Variants in RP1 observed in about 807,000 individuals in gnomAD.
RP1 encodes oxygen-regulated protein 1.
Under a neutral mutation model 14.8 loss-of-function variants are expected in RP1, and 16 were observed. The ratio of observed to expected loss-of-function variants is 1.08; its 90% CI spans 0.73 to 1.65. RP1 has a LOEUF of 1.65. RP1 is among the 40% of genes most tolerant of loss of function. The pLI is 0.00. For synonymous variants in RP1, 876 were observed against 883.6 expected (o/e 0.99, Z 0.15); for missense variants, 2,631 against 2,535.0 (o/e 1.04, Z -0.81).
chr8:54,830,273 A>G (rs947540877), intron 24 of RP1, among the ~76,000 whole-genome samples: 2 of 148,922 alleles, frequency 1.3e-5, no homozygotes, highest in African/African-American at 2.5e-5. Flanking sequence ...TCATAAAATG[A>G]CCTTCTGTAT....
intron 19 of RP1, among the ~76,000 whole-genome samples, chr8:54,739,833 T>C (rs1383720600): frequency 6.6e-6 from 1 of 152,078 alleles, no homozygotes; most frequent in African/African-American, 2.4e-5. Context: ...TCCCATAAGA[T>C]TATAATGGAG....
intron 12 of RP1, among the ~76,000 whole-genome samples, chr8:54,685,952 C>G (rs1344033490): frequency 6.6e-6 from 1 of 152,178 alleles, no homozygotes; most frequent in African/African-American, 2.4e-5. Context: ...CCTGACAGCC[C>G]CAGCTGAATC....
intron 12 of RP1, among the ~76,000 whole-genome samples, chr8:54,685,549 TGAG>T (rs1254071218): frequency 6.6e-6 from 1 of 152,214 alleles, no homozygotes; most frequent in Non-Finnish European, 1.5e-5. Flanking sequence ...TTGCATTTAC[TGAG>T]GAGTGGAAAC....
Position 54,761,995 on chromosome 8 carries a change from G to T in RP1, c.3248+2919G>T, listed in dbSNP as rs116307462. On this transcript the variant is annotated intron_variant, in intron 22 of 22. Transcript: ENST00000636932. ...CCCAGAGCCTTTTCTGTGCATATGA[G>T]GTCAAGGTCAGTGTCCATGGAGCCT... Among the ~76,000 whole-genome samples the T allele has an allele frequency of 9.5e-3, 1,446 of 152,258 alleles. 16 individuals are homozygous for T. Among genetic ancestry groups the T allele is most frequent in the African/African-American group, 0.033 (1,359 of 41,544 alleles).
At chr8:54,570,069 T>A (rs991663357) in intron 1 of RP1, among the ~76,000 whole-genome samples, 8 of 152,122 alleles carry the variant, frequency 5.3e-5, no homozygotes, top group Non-Finnish European at 8.8e-5. Context: ...TCCCCTTGAA[T>A]CTGGACCTGT....
At chr8:54,760,956 G>A (rs1208305633) in intron 22 of RP1, among the ~76,000 whole-genome samples, 3 of 152,124 alleles carry the variant, frequency 2.0e-5, no homozygotes, top group East Asian at 1.9e-4. Flanking sequence ...GCACTGAAGA[G>A]GACTTGGGTG....
chr8:54,592,214 G>A (rs938314447), intron 1 of RP1, among the ~76,000 whole-genome samples: 3 of 152,166 alleles, frequency 2.0e-5, no homozygotes, highest in Non-Finnish European at 4.4e-5. Flanking sequence ...GTTTCCTCCT[G>A]TAGGAGCTGA....
At chr8:54,702,109 T>C (rs1336648713) in intron 14 of RP1, among the ~76,000 whole-genome samples, 1 of 152,174 alleles carries the variant, frequency 6.6e-6, no homozygotes, top group Non-Finnish European at 1.5e-5. Flanking sequence ...CAATTATTTA[T>C]GAGGTTTCCC....
At chr8:54,572,525 G>A (rs1804545433) in intron 1 of RP1, among the ~76,000 whole-genome samples, 1 of 152,198 alleles carries the variant, frequency 6.6e-6, no homozygotes, top group Admixed American at 6.5e-5. Flanking sequence ...AGACCCTTTC[G>A]ACTGGAACCT....
At position 54,690,680 on chromosome 8, in the gene RP1, T is replaced by A. The variant is rs1179388243; in HGVS notation, c.1718-8787T>A. On this transcript the variant is annotated intron_variant, in intron 12 of 22. Transcript: ENST00000636932. The stretch of plus-strand genomic sequence containing the variant: ...TTCTGGGATGTATACTGTAACTCTC[T>A]GACTTAAGTATATAGTATGAAGTGT... 3.3e-5 allele frequency among the ~76,000 whole-genome samples: 5 copies of A among 152,022 alleles called. No homozygotes were observed. The Admixed American group carries it at 3.3e-4, about 10-fold the overall frequency.
chr8:54,699,350 C>A, intron 12 of RP1: 1 of 424,878 alleles, frequency 2.4e-6, no homozygotes. Context: ...TTACCTTTAA[C>A]TGAAAACATT....
chr8:54,690,778 G>T (rs543998121), intron 12 of RP1, among the ~76,000 whole-genome samples: 1 of 151,934 alleles, frequency 6.6e-6, no homozygotes, highest in African/African-American at 2.4e-5. Context: ...TCAGAATCTC[G>T]CAAGAGATCT....
intron 1 of RP1, among the ~76,000 whole-genome samples, chr8:54,592,577 C>A (rs998154029): frequency 6.6e-6 from 1 of 152,088 alleles, no homozygotes; most frequent in Non-Finnish European, 1.5e-5. Context: ...TATTAGATTC[C>A]TTTTCTGTGT....
At chr8:54,587,507 C>T (rs1015508942) in intron 1 of RP1, among the ~76,000 whole-genome samples, 2 of 151,598 alleles carry the variant, frequency 1.3e-5, no homozygotes, top group Admixed American at 1.3e-4. Flanking sequence ...TTTAAAAGTA[C>T]ACCTGACAAG....
exon 24 of RP1, chr8:54,783,692 C>A: frequency 8.1e-7 from 1 of 1,231,210 alleles, no homozygotes. Flanking sequence ...TTAACCCTAA[C>A]ACTGCAGATA....
intron 1 of RP1, among the ~76,000 whole-genome samples, chr8:54,568,579 T>C (rs1804456403): frequency 6.6e-6 from 1 of 152,238 alleles, no homozygotes; most frequent in African/African-American, 2.4e-5. Flanking sequence ...CTGACATAAG[T>C]ACTTCTTCAG....
At chr8:54,616,729 C>T (rs1202541914) in intron 1 of RP1, among the ~76,000 whole-genome samples, 1 of 152,216 alleles carries the variant, frequency 6.6e-6, no homozygotes, top group East Asian at 1.9e-4. Context: ...ATTTTTTCTA[C>T]TTCATTATTT....
At chr8:54,852,405 T>C (rs1812077533) in intron 25 of RP1, among the ~76,000 whole-genome samples, 1 of 152,078 alleles carries the variant, frequency 6.6e-6, no homozygotes, top group Admixed American at 6.5e-5. Context: ...GAGGTAAACA[T>C]TAAGTAGCTG....
chr8:54,597,224 G>A (rs1805169440), intron 1 of RP1, among the ~76,000 whole-genome samples: 1 of 152,076 alleles, frequency 6.6e-6, no homozygotes, highest in Non-Finnish European at 1.5e-5. Context: ...GTGACCTTTG[G>A]TTAATTACTA....
Sources: gnomAD v4.1 joint callset for allele counts (sites outside exome capture counted in the v4.1 genomes callset) on GRCh38, gnomAD v4.1.1 for gene constraint, MANE v1.5 for transcripts, NCBI Gene and HGNC (gene_info 2026-07-23, HGNC 2026-07-21) for gene names.